Variants in KIAA0513 observed in about 807,000 individuals in gnomAD.
KIAA0513 encodes uncharacterized protein KIAA0513.
Under a neutral mutation model 56.5 loss-of-function variants are expected in KIAA0513, and 39 were observed. The observed-to-expected ratio is 0.69, with a 90% CI of 0.53 to 0.90. KIAA0513 has a LOEUF of 0.90. Among genes scored for constraint, KIAA0513 ranks in the 40% least tolerant of loss-of-function variants. The pLI is 0.00. For missense variants in KIAA0513, 591 were observed against 535.2 expected (o/e 1.10, Z -1.03); for synonymous variants, 268 against 215.6 (o/e 1.24, Z -2.13).
intron 1 of KIAA0513, among the ~76,000 whole-genome samples, chr16:85,040,152 G>T (rs2073086870): frequency 6.6e-6 from 1 of 152,178 alleles, no homozygotes; most frequent in Admixed American, 6.5e-5. Context: ...GTTTTCAACA[G>T]GAAGCAAGTG....
At chr16:85,064,478 T>C (rs1343480867) in intron 1 of KIAA0513, among the ~76,000 whole-genome samples, 1 of 152,234 alleles carries the variant, frequency 6.6e-6, no homozygotes, top group Admixed American at 6.5e-5. Flanking sequence ...AAAATAAGAA[T>C]GATAGAAATT....
intron 1 of KIAA0513, among the ~76,000 whole-genome samples, chr16:85,042,527 C>G (rs1488447563): frequency 2.0e-5 from 3 of 152,170 alleles, no homozygotes; most frequent in Non-Finnish European, 2.9e-5. Flanking sequence ...GCTCTGTAGC[C>G]TTAGGCAACT....
intron 1 of KIAA0513, among the ~76,000 whole-genome samples, chr16:85,066,195 G>A (rs1329062434): frequency 6.6e-6 from 1 of 152,188 alleles, no homozygotes; most frequent in Non-Finnish European, 1.5e-5. Context: ...AGAAGACGTG[G>A]CCGAGGCAGA....
At chr16:85,048,281 G>T (rs542851073) in intron 1 of KIAA0513, among the ~76,000 whole-genome samples, 5 of 152,126 alleles carry the variant, frequency 3.3e-5, no homozygotes, top group Non-Finnish European at 7.4e-5. Flanking sequence ...TGAGACAAAG[G>T]CTTCGACCGT....
intron 1 of KIAA0513, among the ~76,000 whole-genome samples, chr16:85,044,077 G>T (rs993433601): frequency 7.9e-5 from 12 of 152,216 alleles, no homozygotes; most frequent in African/African-American, 2.9e-4. Context: ...CTTGCTTGTA[G>T]ACTGGCATGA....
At chr16:85,067,724 A>T (rs780194245) in intron 2 of KIAA0513, among the ~76,000 whole-genome samples, 2 of 152,144 alleles carry the variant, frequency 1.3e-5, no homozygotes, top group Non-Finnish European at 2.9e-5. Flanking sequence ...CCCTGGAGGG[A>T]CACGCTCCGG....
intron 10 of KIAA0513, among the ~76,000 whole-genome samples, chr16:85,083,461 C>A (rs925212973): frequency 6.6e-6 from 1 of 151,948 alleles, no homozygotes; most frequent in East Asian, 1.9e-4. Context: ...CTAACAAACA[C>A]CTCCTTTCAT....
intron 1 of KIAA0513, among the ~76,000 whole-genome samples, chr16:85,053,544 C>G (rs1472839927): frequency 6.6e-6 from 1 of 152,202 alleles, no homozygotes; most frequent in Non-Finnish European, 1.5e-5. Context: ...CAGGTTGACT[C>G]TCTGGATAAG....
intron 1 of KIAA0513, among the ~76,000 whole-genome samples, chr16:85,057,194 A>T (rs1475627485): frequency 6.6e-6 from 1 of 152,178 alleles, no homozygotes; most frequent in East Asian, 1.9e-4. Context: ...TGTGGTCAGG[A>T]ATTGTGGCGT....
At chr16:85,078,602 C>T in intron 7 of KIAA0513, 147 bp downstream of exon 7, 2 of 751,040 alleles carry the variant, frequency 2.7e-6, no homozygotes, top group South Asian at 3.4e-5. Context: ...TTCCCAGCTC[C>T]CGTGGTTGTA....
chr16:85,071,234 A>G (rs764068532), intron 2 of KIAA0513, among the ~76,000 whole-genome samples: 5 of 152,136 alleles, frequency 3.3e-5, no homozygotes, highest in Non-Finnish European at 5.9e-5. Context: ...GGCCTGAACC[A>G]TGAGCAGCCT....
At chr16:85,072,876 G>A (rs1413133945) in intron 3 of KIAA0513, 49 bp from the exon 4 acceptor site, 1 of 1,561,112 alleles carries the variant, frequency 6.4e-7, no homozygotes, top group Non-Finnish European at 8.8e-7. Flanking sequence ...ACTGAGTGCT[G>A]CGTGTGTCGC....
intron 1 of KIAA0513, among the ~76,000 whole-genome samples, chr16:85,031,483 G>A (rs985445640): frequency 1.3e-5 from 2 of 152,170 alleles, no homozygotes; most frequent in African/African-American, 2.4e-5. Context: ...GTGATTATGC[G>A]AGAGTGGTCG....
intron 1 of KIAA0513, among the ~76,000 whole-genome samples, chr16:85,036,917 T>C (rs2073043910): frequency 6.6e-6 from 1 of 152,078 alleles, no homozygotes. Context: ...GAACCTGACT[T>C]GAGAAAATCC....
chr16:85,071,425 G>A (rs1008363493), intron 2 of KIAA0513, among the ~76,000 whole-genome samples: 1 of 152,212 alleles, frequency 6.6e-6, no homozygotes, highest in East Asian at 1.9e-4. Context: ...CAGAGAGCTG[G>A]AGAACCAAGA....
Position 85,048,815 on chromosome 16 carries a change from T to C in KIAA0513, c.-172-18085T>C, listed in dbSNP as rs1411340692. ...CATGTATCAACCAGATAAGGGAGGATTTCAGAAGACCACAAATGACCTGTA... is the reference window on the plus strand; with the variant it reads ...CATGTATCAACCAGATAAGGGAGGACTTCAGAAGACCACAAATGACCTGTA... On this transcript the variant is annotated intron_variant, in intron 1 of 12. Coordinates refer to ENST00000683363, the MANE Select transcript of KIAA0513 (RefSeq NM_001388359.1). Among the ~76,000 whole-genome samples the C allele has an allele frequency of 2.0e-5, 3 of 152,222 alleles. No homozygotes were observed. The East Asian group carries it at 5.8e-4, about 29-fold the overall frequency.
chr16:85,080,031 G>C (rs1024400866), intron 8 of KIAA0513, among the ~76,000 whole-genome samples: 1 of 152,154 alleles, frequency 6.6e-6, no homozygotes, highest in Non-Finnish European at 1.5e-5. Context: ...GTTGGCTGTG[G>C]TGCATTTTGC....
Position 85,090,449 on chromosome 16 carries a change from G to T in KIAA0513, c.*2124G>T, listed in dbSNP as rs947208471. 1 of 152,236 alleles carries T rather than the reference G, an allele frequency of 6.6e-6. No homozygotes were observed. Among genetic ancestry groups the T allele is most frequent in the South Asian group, 2.1e-4 (1 of 4,830 alleles). 9.4% of individuals were successfully genotyped at this position (152,236 alleles called of 1,614,324 possible). On this transcript the variant is annotated 3_prime_UTR_variant, in exon 13 of 13. Transcript: ENST00000683363. Reference sequence around the variant, plus strand: ...TTTTGTTTGATTCTGAGACTCTCTTGGGAACGCTGGAGAGCTTGTGCACAG... The same window carrying T: ...TTTTGTTTGATTCTGAGACTCTCTTTGGAACGCTGGAGAGCTTGTGCACAG...
intron 1 of KIAA0513, among the ~76,000 whole-genome samples, chr16:85,066,379 A>T (rs2073481548): frequency 6.6e-6 from 1 of 152,220 alleles, no homozygotes; most frequent in South Asian, 2.1e-4. Context: ...CTTAGCAACC[A>T]TCATAGGGTT....
Sources: gnomAD v4.1 joint callset for allele counts (sites outside exome capture counted in the v4.1 genomes callset) on GRCh38, gnomAD v4.1.1 for gene constraint, MANE v1.5 for transcripts, NCBI Gene and HGNC (gene_info 2026-07-23, HGNC 2026-07-21) for gene names.